The following ZNF43 variants were observed in gnomAD, a reference collection of about 807,000 sequenced individuals.
ZNF43 encodes zinc finger protein 39-like 1 (KOX 27).
A neutral mutation model predicts 68.4 loss-of-function variants in ZNF43; 44 were observed. The ratio of observed to expected loss-of-function variants is 0.64; its 90% confidence interval spans 0.51 to 0.83. The LOEUF (loss-of-function observed/expected upper bound fraction) is 0.83. Among genes scored for constraint, ZNF43 ranks in the 40% least tolerant of loss-of-function variants. The pLI, the probability that ZNF43 is intolerant of heterozygous loss-of-function variation, is 0.00. For synonymous variants in ZNF43, 308 were observed against 307.8 expected, an observed-to-expected ratio of 1.00 and a Z score of -0.01; for missense variants, 896 against 933.2, an observed-to-expected ratio of 0.96 and a Z score of 0.52.
intron 1 of ZNF43, among the ~76,000 whole-genome samples, chr19:21,833,343 T>C (rs2038515163): frequency 6.6e-6 from 1 of 152,204 alleles, no homozygotes; most frequent in African/African-American, 2.4e-5. Flanking sequence ...CTCAGCTCAC[T>C]GCAACCTCGG....
chr19:21,811,551 A>C (rs11673111), intron 3 of ZNF43, among the ~76,000 whole-genome samples: 25,526 of 151,426 alleles, frequency 0.17, 2,478 homozygotes, highest in Non-Finnish European at 0.22. Flanking sequence ...AAAAAACAAA[A>C]AAAAAAAACT....
intron 1 of ZNF43, among the ~76,000 whole-genome samples, chr19:21,846,334 A>T (rs1967953620): frequency 6.6e-6 from 1 of 152,206 alleles, no homozygotes. Context: ...TTATGTCACA[A>T]TGACCACCTG....
At chr19:21,830,357 A>G (rs1262639608) in intron 1 of ZNF43, among the ~76,000 whole-genome samples, 1 of 152,032 alleles carries the variant, frequency 6.6e-6, no homozygotes, top group Non-Finnish European at 1.5e-5. Flanking sequence ...AAGAATTAAT[A>G]AGATAAATAG....
intron 3 of ZNF43, among the ~76,000 whole-genome samples, chr19:21,812,992 T>C (rs1000042857): frequency 6.6e-6 from 1 of 150,762 alleles, no homozygotes; most frequent in Non-Finnish European, 1.5e-5. Context: ...TGACTGTTGA[T>C]GGAAAACAAG....
chr19:21,835,325 A>G (rs1174344187), intron 1 of ZNF43, among the ~76,000 whole-genome samples: 1 of 150,286 alleles, frequency 6.7e-6, no homozygotes, highest in Non-Finnish European at 1.5e-5. Context: ...GGCATTTGGG[A>G]ATGTCAGAAA....
At chr19:21,837,415 C>CTTTT (rs539940868), upstream of ZNF43, among the ~76,000 whole-genome samples, 41 of 83,984 alleles carry the variant, frequency 4.9e-4, 3 homozygotes, top group African/African-American at 1.5e-3. Flanking sequence ...CCTACACTTA[C>CTTTT]TTTTTTTTTT....
At chr19:21,825,929 G>C (rs2038098841) in intron 1 of ZNF43, among the ~76,000 whole-genome samples, 1 of 152,106 alleles carries the variant, frequency 6.6e-6, no homozygotes, top group Non-Finnish European at 1.5e-5. Flanking sequence ...CTCACCTGTA[G>C]TCCCAGCTAC....
chr19:21,829,040 A>G (rs1208349245), intron 1 of ZNF43, among the ~76,000 whole-genome samples: 1 of 127,308 alleles, frequency 7.9e-6, no homozygotes, highest in Non-Finnish European at 1.6e-5. Context: ...CTCAAAAAAA[A>G]AAAAAAAAAA....
intron 1 of ZNF43, among the ~76,000 whole-genome samples, chr19:21,825,973 C>T (rs559480613): frequency 7.2e-5 from 11 of 152,210 alleles, no homozygotes; most frequent in Admixed American, 5.2e-4. Flanking sequence ...CGCTTAAACC[C>T]GAGAGGCAGA....
chr19:21,827,862 T>C (rs190583648), intron 1 of ZNF43, among the ~76,000 whole-genome samples: 376 of 152,160 alleles, frequency 2.5e-3, no homozygotes, highest in African/African-American at 8.5e-3. Context: ...AGTTTCTCCA[T>C]GTTGGTCAGA....
At chr19:21,844,935 T>TAC (rs1967841695) in intron 1 of ZNF43, among the ~76,000 whole-genome samples, 2 of 128,670 alleles carry the variant, frequency 1.6e-5, no homozygotes, top group Non-Finnish European at 3.1e-5. Context: ...TATATATATA[T>TAC]ATATATATAT....
intron 1 of ZNF43, among the ~76,000 whole-genome samples, chr19:21,847,615 T>A (rs1968046839): frequency 1.3e-5 from 2 of 151,924 alleles, no homozygotes; most frequent in Admixed American, 1.3e-4. Flanking sequence ...AAGAATCACT[T>A]GAACCTGGGA....
rs1369816209 is a variant in ZNF43 at position 21,836,180 on chromosome 19, G to C, written c.-142C>G. The C allele has an allele frequency of 2.0e-6, 3 of 1,520,776 alleles. No individual in the cohort carries two copies. The African/African-American group carries it at 4.1e-5, about 21-fold the overall frequency. The allele number at this position is 1,520,776 out of a possible 1,614,324, so 94.2% of individuals were successfully genotyped here. ...ACGCAGAGCTCCAACTGCAGCCAGAGACAAAGGCCCCGCCACATCCCGGAA... is the reference window on the plus strand; with the variant it reads ...ACGCAGAGCTCCAACTGCAGCCAGACACAAAGGCCCCGCCACATCCCGGAA... On this transcript the variant is annotated 5_prime_UTR_variant, in exon 1 of 4. Coordinates refer to ENST00000354959, the MANE Select transcript of ZNF43 (RefSeq NM_003423.4).
rs768687608 is a variant in ZNF43, at chr19:21,819,090, C to T, written c.130+5G>A. 1.9e-6 allele frequency: 3 copies of T among 1,605,968 alleles called. No homozygotes were observed. The highest frequency in any genetic ancestry group is 2.2e-5 in the East Asian group (1 of 44,606). On this transcript the variant is annotated splice_donor_5th_base_variant and intron_variant, in intron 2 of 3. Coordinates refer to ENST00000354959, the MANE Select transcript of ZNF43 (RefSeq NM_003423.4). ...TTAGGAATTGAGTATTGAAGTTATG[C>T]TCACCCAGGAAGACCAGGTTTCTGT...
intron 1 of ZNF43, among the ~76,000 whole-genome samples, chr19:21,848,032 C>G (rs934535206): frequency 1.3e-5 from 2 of 151,884 alleles, no homozygotes; most frequent in Non-Finnish European, 2.9e-5. Flanking sequence ...ATTGATCAGA[C>G]TGGTCTTGAA....
chr19:21,821,302 C>T (rs981725522), intron 1 of ZNF43, among the ~76,000 whole-genome samples: 69 of 152,164 alleles, frequency 4.5e-4, no homozygotes, highest in African/African-American at 1.5e-3. Context: ...CCCAGCACTA[C>T]GCCCTGCTAT....
At chr19:21,834,547 A>G (rs1438523307) in intron 1 of ZNF43, among the ~76,000 whole-genome samples, 3 of 151,616 alleles carry the variant, frequency 2.0e-5, no homozygotes, top group African/African-American at 7.3e-5. Context: ...TCACAAGGTC[A>G]GGAGTTCGAA....
At chr19:21,847,037 G>A (rs1968001004) in intron 1 of ZNF43, among the ~76,000 whole-genome samples, 1 of 152,148 alleles carries the variant, frequency 6.6e-6, no homozygotes, top group Non-Finnish European at 1.5e-5. Flanking sequence ...CTGTAAGCAG[G>A]GACCAGACAG....
intron 1 of ZNF43, among the ~76,000 whole-genome samples, chr19:21,825,348 T>A (rs2038062658): frequency 6.6e-6 from 1 of 152,208 alleles, no homozygotes; most frequent in Non-Finnish European, 1.5e-5. Flanking sequence ...AGGTATGGGT[T>A]ATAGTGTCCA....
Sources: allele counts gnomAD v4.1 joint callset (sites outside exome capture counted in the v4.1 genomes callset), GRCh38; gene constraint gnomAD v4.1.1; transcripts MANE v1.5; gene names NCBI Gene and HGNC (gene_info 2026-07-23, HGNC 2026-07-21).